CTNNA2: variants seen among roughly 807,000 people sequenced by gnomAD.
CTNNA2 encodes the protein catenin alpha 2.
Under a neutral mutation model 101.0 loss-of-function variants are expected in CTNNA2, and 42 were observed. The ratio of observed to expected loss-of-function variants is 0.42; its 90% CI spans 0.32 to 0.54. The LOEUF (loss-of-function observed/expected upper bound fraction) is 0.54. Among genes scored for constraint, CTNNA2 ranks in the 20% least tolerant of loss-of-function variants. The probability of loss-of-function intolerance (pLI) is 0.14; values close to 1 mark genes in which losing one functional copy is unlikely to be tolerated. For missense variants in CTNNA2, 871 were observed against 1,223.1 expected, an observed-to-expected ratio of 0.71 and a Z score of 4.29; for synonymous variants, 450 against 456.4, an observed-to-expected ratio of 0.99 and a Z score of 0.18.
At chr2:79,640,208 G>T (rs1290015704) in intron 1 of CTNNA2, among the ~76,000 whole-genome samples, 1 of 152,090 alleles carries the variant, frequency 6.6e-6, no homozygotes, top group East Asian at 1.9e-4. Flanking sequence ...TCAGAGAAAA[G>T]AAAAGTCACT....
intron 9 of CTNNA2, among the ~76,000 whole-genome samples, chr2:80,498,772 A>T (rs1687656343): frequency 6.6e-6 from 1 of 152,216 alleles, no homozygotes; most frequent in African/African-American, 2.4e-5. Context: ...CATGTTTTTC[A>T]CAACATCCCT....
intron 1 of CTNNA2, among the ~76,000 whole-genome samples, chr2:79,627,949 T>C (rs1207237730): frequency 1.3e-5 from 2 of 152,204 alleles, no homozygotes; most frequent in Non-Finnish European, 2.9e-5. Flanking sequence ...TCATAAGTGT[T>C]GTAATGTGGA....
intron 4 of CTNNA2, among the ~76,000 whole-genome samples, chr2:79,386,734 T>G (rs1678109462): frequency 6.6e-6 from 1 of 152,224 alleles, no homozygotes; most frequent in South Asian, 2.1e-4. Context: ...AAATGTATTG[T>G]AAATAATTCC....
At chr2:80,255,613 A>G (rs1011278165) in intron 7 of CTNNA2, among the ~76,000 whole-genome samples, 3 of 152,200 alleles carry the variant, frequency 2.0e-5, no homozygotes, top group African/African-American at 7.2e-5. Context: ...CTTGAGATTC[A>G]GTACTTCTCT....
intron 6 of CTNNA2, among the ~76,000 whole-genome samples, chr2:79,880,678 T>C (rs1292930761): frequency 1.3e-5 from 2 of 150,020 alleles, no homozygotes; most frequent in African/African-American, 4.9e-5. Context: ...CTTTATAATT[T>C]TTTATTGTGC....
chr2:80,201,745 C>A (rs1185264581), intron 7 of CTNNA2, among the ~76,000 whole-genome samples: 5 of 152,142 alleles, frequency 3.3e-5, no homozygotes, highest in Non-Finnish European at 7.4e-5. Flanking sequence ...TTTCAACATG[C>A]AGGACTAATC....
chr2:80,181,784 A>G (rs1294735873), intron 7 of CTNNA2, among the ~76,000 whole-genome samples: 1 of 152,232 alleles, frequency 6.6e-6, no homozygotes, highest in Non-Finnish European at 1.5e-5. Context: ...ATGGTGAATC[A>G]GGAGTATCAA....
At chr2:80,563,414 A>C (rs1693779059) in intron 12 of CTNNA2, among the ~76,000 whole-genome samples, 1 of 152,212 alleles carries the variant, frequency 6.6e-6, no homozygotes, top group South Asian at 2.1e-4. Context: ...GTATTCCAGA[A>C]ATAGTTTTGG....
At chr2:80,103,225 C>A (rs1309469743) in intron 7 of CTNNA2, among the ~76,000 whole-genome samples, 1 of 152,144 alleles carries the variant, frequency 6.6e-6, no homozygotes, top group Non-Finnish European at 1.5e-5. Flanking sequence ...TGAAAAGTCC[C>A]AGATTGGGGT....
chr2:79,231,377 T>C (rs556302545), intron 2 of CTNNA2, among the ~76,000 whole-genome samples: 1 of 152,316 alleles, frequency 6.6e-6, no homozygotes, highest in East Asian at 1.9e-4. Flanking sequence ...TCATTCTGTC[T>C]TGCTGCTGCC....
chr2:79,308,067 T>G (rs56268562), intron 2 of CTNNA2, among the ~76,000 whole-genome samples: 27,714 of 152,096 alleles, frequency 0.18, 2,569 homozygotes, highest in African/African-American at 0.2. Context: ...ATTTCGAGAT[T>G]GAGTTTTGCT....
chr2:79,709,771 G>T (rs1685625977), intron 2 of CTNNA2, among the ~76,000 whole-genome samples: 1 of 152,022 alleles, frequency 6.6e-6, no homozygotes, highest in Non-Finnish European at 1.5e-5. Flanking sequence ...GGGTAGGGTG[G>T]GGTACAGAGC....
At chr2:80,265,060 C>T (rs897710596) in intron 7 of CTNNA2, among the ~76,000 whole-genome samples, 7 of 151,290 alleles carry the variant, frequency 4.6e-5, no homozygotes, top group South Asian at 2.1e-4. Flanking sequence ...CTGCAACCTC[C>T]GCCTCCTGGG....
chr2:80,032,831 T>C (rs1695377668), intron 7 of CTNNA2, among the ~76,000 whole-genome samples: 1 of 152,100 alleles, frequency 6.6e-6, no homozygotes, highest in African/African-American at 2.4e-5. Context: ...AGGAAGTCTA[T>C]CATGGAAAGA....
chr2:80,086,177 TG>T (rs1699429285), intron 7 of CTNNA2, among the ~76,000 whole-genome samples: 1 of 152,020 alleles, frequency 6.6e-6, no homozygotes, highest in Non-Finnish European at 1.5e-5. Context: ...CTGGCATTAG[TG>T]GGTACTCAAA....
At chr2:79,649,409 A>G (rs1011146461) in intron 1 of CTNNA2, 1 of 154,744 alleles carries the variant, frequency 6.5e-6, no homozygotes, top group African/African-American at 2.4e-5. Flanking sequence ...TTGTGATTCC[A>G]TTAGAGTTTG....
chr2:80,588,552 T>A (rs936646098), intron 14 of CTNNA2, among the ~76,000 whole-genome samples: 1 of 152,166 alleles, frequency 6.6e-6, no homozygotes, highest in African/African-American at 2.4e-5. Context: ...AAATGAAGAA[T>A]CCATGAATAA....
intron 3 of CTNNA2, among the ~76,000 whole-genome samples, chr2:79,341,713 T>TA (rs1400966886): frequency 6.6e-6 from 1 of 152,202 alleles, no homozygotes; most frequent in African/African-American, 2.4e-5. Flanking sequence ...CACTTTCCAT[T>TA]AAAAAATATT....
intron 1 of CTNNA2, among the ~76,000 whole-genome samples, chr2:79,626,189 A>G (rs972030004): frequency 8.5e-5 from 13 of 152,176 alleles, no homozygotes; most frequent in African/African-American, 2.9e-4. Context: ...AGAACACAGC[A>G]AGTGGCCTTC....
Sources: allele counts gnomAD v4.1 joint callset (sites outside exome capture counted in the v4.1 genomes callset), GRCh38; gene constraint gnomAD v4.1.1; transcripts MANE v1.5; gene names NCBI Gene and HGNC (gene_info 2026-07-23, HGNC 2026-07-21).